Variants in SOS2 observed in about 807,000 individuals in gnomAD.
SOS2 encodes SOS Ras/Rho guanine nucleotide exchange factor 2.
SOS2 carries 65 observed loss-of-function variants against 148.2 expected under a neutral mutation model. That is an observed-to-expected ratio of 0.44 (90% CI 0.36 to 0.54). The LOEUF is 0.54. SOS2 is among the 20% of genes least tolerant of loss of function. The pLI is 0.00. For synonymous variants in SOS2, 539 were observed against 537.1 expected (o/e 1.00, Z -0.05); for missense variants, 1,341 against 1,590.2 (o/e 0.84, Z 2.67).
intron 18 of SOS2, among the ~76,000 whole-genome samples, chr14:50,138,098 C>G (rs1884143161): frequency 6.6e-6 from 1 of 152,090 alleles, no homozygotes; most frequent in Admixed American, 6.6e-5. Flanking sequence ...GCCTCAGCCT[C>G]CCAAAGTGCT....
chr14:50,162,412 T>A (rs529605008), intron 8 of SOS2, among the ~76,000 whole-genome samples: 1 of 152,282 alleles, frequency 6.6e-6, no homozygotes, highest in East Asian at 1.9e-4. Flanking sequence ...AAATTACAAG[T>A]GTGAGCCACT....
At chr14:50,155,369 T>A (rs1884780034) in intron 12 of SOS2, among the ~76,000 whole-genome samples, 1 of 152,148 alleles carries the variant, frequency 6.6e-6, no homozygotes, top group Non-Finnish European at 1.5e-5. Context: ...CTCAGGTCAA[T>A]GTCCTTATCT....
In SOS2 at chr14:50,152,606, T is replaced by C. The variant is rs571899201; in HGVS notation, c.2161+464A>G. ...CTCAGATGATTGGTCTAAACATATG[T>C]GAGTTTCTTGCTGTCTATAAAAAAC... is the stretch of plus-strand genomic sequence containing the variant. On this transcript the variant is annotated intron_variant, in intron 13 of 22. Transcript: ENST00000216373. 8.8e-4 allele frequency among the ~76,000 whole-genome samples: 134 copies of C among 152,302 alleles called. 2 individuals are homozygous for C. Among genetic ancestry groups the C allele is most frequent in the African/African-American group, 3.1e-3 (130 of 41,558 alleles).
At chr14:50,188,142 C>A (rs1272569607) in intron 5 of SOS2, among the ~76,000 whole-genome samples, 1 of 152,114 alleles carries the variant, frequency 6.6e-6, no homozygotes, top group Non-Finnish European at 1.5e-5. Flanking sequence ...GTGGATCATG[C>A]GTATAATCCC....
intron 7 of SOS2, among the ~76,000 whole-genome samples, chr14:50,176,827 T>C (rs1885536961): frequency 6.6e-6 from 1 of 152,166 alleles, no homozygotes. Context: ...CTGGCCAACA[T>C]GGGGAAACCC....
intron 7 of SOS2, among the ~76,000 whole-genome samples, chr14:50,177,933 G>C (rs149823806): frequency 6.9e-4 from 105 of 152,266 alleles, no homozygotes; most frequent in Non-Finnish European, 2.5e-4. Flanking sequence ...GTGCTTAAAA[G>C]AAAGTGATGG....
At chr14:50,227,132 A>G (rs1385106522) in intron 1 of SOS2, among the ~76,000 whole-genome samples, 1 of 152,062 alleles carries the variant, frequency 6.6e-6, no homozygotes, top group Non-Finnish European at 1.5e-5. Context: ...GTGAGGTTCT[A>G]TTTTAAAAGT....
chr14:50,123,692 G>A (rs938405139), intron 21 of SOS2, among the ~76,000 whole-genome samples: 1 of 152,080 alleles, frequency 6.6e-6, no homozygotes, highest in African/African-American at 2.4e-5. Flanking sequence ...CCACCAGAGG[G>A]CTTTAAGCAC....
At chr14:50,130,046 T>C (rs1023767606) in intron 20 of SOS2, 44 bp from the exon 21 acceptor site, 9 of 1,223,970 alleles carry the variant, frequency 7.4e-6, no homozygotes, top group African/African-American at 3.0e-5. Flanking sequence ...AGGTAACATG[T>C]AGGTATTATT....
At chr14:50,156,812 T>C (rs537649922) in intron 12 of SOS2, 187 bp downstream of exon 12, 14 of 318,786 alleles carry the variant, frequency 4.4e-5, no homozygotes, top group Non-Finnish European at 7.4e-5. Context: ...TATTTAAGAA[T>C]AGCTTCACTG....
chr14:50,231,870 A>G (rs1446451452), upstream of SOS2, among the ~76,000 whole-genome samples: 3 of 152,156 alleles, frequency 2.0e-5, no homozygotes, highest in Non-Finnish European at 2.9e-5. Context: ...CCCCTTTAGC[A>G]GCAGCGCAGA....
chr14:50,177,685 T>TG (rs1444170948), intron 7 of SOS2, among the ~76,000 whole-genome samples: 1 of 152,190 alleles, frequency 6.6e-6, no homozygotes, highest in Non-Finnish European at 1.5e-5. Context: ...ATTCCTCTCT[T>TG]GAAGTAATTT....
In SOS2 at chr14:50,145,565, C is replaced by CA; in HGVS notation, c.2415dup (p.Val806CysfsTer7). On this transcript the variant is annotated frameshift_variant, in exon 15 of 23. Coordinates refer to ENST00000216373, the MANE Select transcript of SOS2 (RefSeq NM_006939.4). LOFTEE classifies it high-confidence loss of function. ...ATTTCTTTATCTTCTTTGGTCCACA[C>CA]ACTCCCTACAAGTTCAGACGGTTGA... 1 of 1,609,288 alleles carries CA rather than the reference C, an allele frequency of 6.2e-7. No homozygotes were observed.
intron 16 of SOS2, among the ~76,000 whole-genome samples, chr14:50,144,730 G>A (rs992198003): frequency 1.3e-5 from 2 of 152,020 alleles, no homozygotes; most frequent in South Asian, 2.1e-4. Flanking sequence ...GAGCCACCAC[G>A]CCTGGCCAAA....
At chr14:50,119,295 T>G (rs772904821) in intron 22 of SOS2, among the ~76,000 whole-genome samples, 3 of 152,152 alleles carry the variant, frequency 2.0e-5, no homozygotes, top group Non-Finnish European at 4.4e-5. Context: ...TCAGCATCAG[T>G]AGGGAACTTG....
intron 16 of SOS2, among the ~76,000 whole-genome samples, chr14:50,142,010 CTTTTT>C (rs143071093): frequency 7.0e-6 from 1 of 142,978 alleles, no homozygotes; most frequent in African/African-American, 2.6e-5. Context: ...ATTAATATTT[CTTTTT>C]TTTTTTTTTT....
chr14:50,226,909 A>G (rs1887395541), intron 1 of SOS2, among the ~76,000 whole-genome samples: 1 of 152,244 alleles, frequency 6.6e-6, no homozygotes, highest in African/African-American at 2.4e-5. Flanking sequence ...CGACACAGGT[A>G]ATAAACTGCA....
At chr14:50,176,312 T>C (rs1218363678) in intron 7 of SOS2, among the ~76,000 whole-genome samples, 1 of 152,228 alleles carries the variant, frequency 6.6e-6, no homozygotes, top group Non-Finnish European at 1.5e-5. Context: ...AGCCATCCAG[T>C]TTATGATATT....
chr14:50,160,017 T>A lies in SOS2; in HGVS notation c.1266A>T (p.Glu422Asp). The change falls in exon 10 of 23, where the codon GAA becomes GAT. Residue 422 changes from glutamate (E) to aspartate (D), a missense_variant. Physicochemically the swap from Glu to Asp is conservative, Grantham distance 45 (BLOSUM62 2). Around this residue, in one of 4 missense-constraint regions of SOS2, gnomAD observed 574 missense variants for 711.1 expected, o/e 0.81. Coordinates refer to ENST00000216373, the MANE Select transcript of SOS2 (RefSeq NM_006939.4). ...SKHLAIKKMNEIQKNIDGWEG... is the reference protein window; with the variant it reads ...SKHLAIKKMNDIQKNIDGWEG... ...CCCATCCATCGATATTTTTCTGAAT[T>A]TCATTCATTTTTTTGATAGCCAGGT... 6.2e-7 allele frequency: 1 copy of A among 1,614,086 alleles called. No homozygotes were observed. The highest frequency in any genetic ancestry group is 8.5e-7 in the Non-Finnish European group (1 of 1,179,952).
Sources: allele counts gnomAD v4.1 joint callset (sites outside exome capture counted in the v4.1 genomes callset), GRCh38; gene constraint gnomAD v4.1.1; regional missense constraint gnomAD v4.1.1; transcripts MANE v1.5; gene names NCBI Gene and HGNC (gene_info 2026-07-23, HGNC 2026-07-21).